Variants in MEI4 observed in about 807,000 individuals in gnomAD.
The protein encoded by MEI4 is meiosis-specific protein MEI4.
A neutral mutation model predicts 31.4 loss-of-function variants in MEI4; 27 were observed. The ratio of observed to expected loss-of-function variants is 0.86; its 90% confidence interval spans 0.63 to 1.19. The LOEUF (loss-of-function observed/expected upper bound fraction) is 1.19. MEI4 is among the 50% of genes most tolerant of loss of function. The pLI is 0.00. For synonymous variants in MEI4, 122 were observed against 145.4 expected, an observed-to-expected ratio of 0.84 and a Z score of 1.16; for missense variants, 329 against 398.9, an observed-to-expected ratio of 0.82 and a Z score of 1.49.
chr6:77,926,882 G>A lies in MEI4; in HGVS notation c.*3536G>A, dbSNP rs982619488. 1 of 151,610 alleles carries A rather than the reference G, an allele frequency of 6.6e-6. No individual in the cohort carries two copies. The highest frequency in any genetic ancestry group is 1.5e-5 in the Non-Finnish European group (1 of 67,850). 9.4% of individuals were successfully genotyped at this position (151,610 alleles called of 1,614,324 possible). A position where few individuals can be genotyped will look rare whatever the true frequency, so the allele number is the denominator to read the frequency against. On this transcript the variant is annotated 3_prime_UTR_variant, in exon 5 of 5. Transcript: ENST00000684080. Reference sequence around the variant, plus strand: ...TTATCTAATATTGAAAAAATATATAGGATTTTATTATTGTTAAAAGTTAAT... The same window carrying A: ...TTATCTAATATTGAAAAAATATATAAGATTTTATTATTGTTAAAAGTTAAT...
At chr6:77,650,955 A>C (rs1488763515), upstream of MEI4, among the ~76,000 whole-genome samples, 3 of 152,310 alleles carry the variant, frequency 2.0e-5, no homozygotes, top group South Asian at 4.1e-4. Flanking sequence ...CTTTTTATTA[A>C]GCACCCATTC....
chr6:77,736,509 C>G (rs899838667), intron 2 of MEI4, among the ~76,000 whole-genome samples: 2 of 152,032 alleles, frequency 1.3e-5, no homozygotes, highest in Non-Finnish European at 2.9e-5. Context: ...ACGGTGCGCG[C>G]ACACACTGAC....
intron 4 of MEI4, among the ~76,000 whole-genome samples, chr6:77,910,325 A>G (rs2127738549): frequency 6.6e-6 from 1 of 152,276 alleles, no homozygotes; most frequent in East Asian, 1.9e-4. Flanking sequence ...TCTCAGCCCA[A>G]AATCTTCTTA....
rs137911889 is a variant in MEI4, at chr6:77,749,430, T to C, written c.233-11700T>C. ...AGTTTAGAGAAGAACATAAATGACC[T>C]GATGGAGCTGAAAAACACAGCATGA... On this transcript the variant is annotated intron_variant, in intron 2 of 4. Coordinates refer to ENST00000684080, the MANE Select transcript of MEI4 (RefSeq NM_001322247.2). Among the ~76,000 whole-genome samples the C allele has an allele frequency of 1.4e-3, 213 of 152,204 alleles. 1 individual carries two copies. Among genetic ancestry groups the C allele is most frequent in the African/African-American group, 4.5e-3 (187 of 41,526 alleles).
intron 4 of MEI4, among the ~76,000 whole-genome samples, chr6:77,875,994 C>T (rs1320624547): frequency 6.6e-6 from 1 of 152,134 alleles, no homozygotes; most frequent in African/African-American, 2.4e-5. Flanking sequence ...ACATAACTGA[C>T]TTCTCCAAGG....
intron 3 of MEI4, among the ~76,000 whole-genome samples, chr6:77,807,478 A>G (rs9361291): frequency 0.14 from 20,927 of 152,092 alleles, 1,527 homozygotes; most frequent in Middle Eastern, 0.21. Context: ...AGTCTTAACA[A>G]TAGACATTTG....
At position 77,802,959 on chromosome 6, in the gene MEI4, C is replaced by G. The variant is rs181897643; in HGVS notation, c.769-25972C>G. On this transcript the variant is annotated intron_variant, in intron 3 of 4. Transcript: ENST00000684080. ...CTTACAATTATGTGTCTTGGAGTTG[C>G]TCTTCTCGAGGAGTATCTTTGTGGC... 5.5e-3 allele frequency among the ~76,000 whole-genome samples: 830 copies of G among 152,196 alleles called. 6 individuals carry two copies. The highest frequency in any genetic ancestry group is 0.019 in the African/African-American group (785 of 41,526).
chr6:77,743,835 C>T (rs189293777), intron 2 of MEI4, among the ~76,000 whole-genome samples: 59 of 152,308 alleles, frequency 3.9e-4, no homozygotes, highest in East Asian at 9.7e-4. Flanking sequence ...ATGCAGCCAC[C>T]GCTGCTGATA....
intron 2 of MEI4, among the ~76,000 whole-genome samples, chr6:77,743,266 T>A (rs1050644394): frequency 1.3e-5 from 2 of 152,178 alleles, no homozygotes; most frequent in Non-Finnish European, 2.9e-5. Flanking sequence ...TGGAATGTTC[T>A]TCCATTTGTT....
At chr6:77,884,691 C>G (rs1246098866) in intron 4 of MEI4, among the ~76,000 whole-genome samples, 2 of 152,068 alleles carry the variant, frequency 1.3e-5, no homozygotes, top group Non-Finnish European at 2.9e-5. Flanking sequence ...TCTAGATTCT[C>G]TATTCTTTTA....
intron 2 of MEI4, among the ~76,000 whole-genome samples, chr6:77,700,325 C>T (rs970414194): frequency 1.3e-5 from 2 of 152,166 alleles, no homozygotes; most frequent in African/African-American, 4.8e-5. Context: ...TCACTGCCAC[C>T]TTGTAGTTTG....
At chr6:77,853,772 G>T (rs6454008) in intron 4 of MEI4, among the ~76,000 whole-genome samples, 2,877 of 152,196 alleles carry the variant, frequency 0.019, 64 homozygotes, top group East Asian at 0.088. Context: ...TAGAAGAATA[G>T]GGAATGAGAT....
At chr6:77,910,706 G>A (rs1209692184) in intron 4 of MEI4, among the ~76,000 whole-genome samples, 2 of 151,994 alleles carry the variant, frequency 1.3e-5, no homozygotes, top group African/African-American at 4.8e-5. Flanking sequence ...ATTGGCTATT[G>A]TGAATAGGGT....
At chr6:77,700,206 G>A (rs113449399) in intron 2 of MEI4, among the ~76,000 whole-genome samples, 7 of 152,318 alleles carry the variant, frequency 4.6e-5, no homozygotes, top group Admixed American at 1.3e-4. Flanking sequence ...GAGCCTACCG[G>A]GGCAGGCAGG....
chr6:77,734,533 C>T (rs954295676), intron 2 of MEI4, among the ~76,000 whole-genome samples: 1 of 152,008 alleles, frequency 6.6e-6, no homozygotes, highest in African/African-American at 2.4e-5. Flanking sequence ...ATTTGTGTCT[C>T]TGCACGTGAG....
At chr6:77,907,771 T>C (rs944205502) in intron 4 of MEI4, among the ~76,000 whole-genome samples, 3 of 152,154 alleles carry the variant, frequency 2.0e-5, no homozygotes, top group African/African-American at 7.2e-5. Flanking sequence ...ACCAACAGTG[T>C]AAAAGTGCTC....
intron 4 of MEI4, among the ~76,000 whole-genome samples, chr6:77,831,504 A>G (rs1323392958): frequency 1.3e-4 from 20 of 149,306 alleles, no homozygotes; most frequent in Non-Finnish European, 3.0e-5. Flanking sequence ...AATAAAGATA[A>G]TTTTATATAT....
chr6:77,838,514 A>G (rs1770278243), intron 4 of MEI4, among the ~76,000 whole-genome samples: 1 of 152,194 alleles, frequency 6.6e-6, no homozygotes, highest in African/African-American at 2.4e-5. Context: ...CAAATCTAAA[A>G]TGTGACTTAC....
chr6:77,727,688 T>A (rs1389111044), intron 2 of MEI4, among the ~76,000 whole-genome samples: 1 of 152,244 alleles, frequency 6.6e-6, no homozygotes, highest in Non-Finnish European at 1.5e-5. Flanking sequence ...AAGTTTTTGA[T>A]AGCTTTTAAA....
Sources: allele counts gnomAD v4.1 joint callset (sites outside exome capture counted in the v4.1 genomes callset), GRCh38; gene constraint gnomAD v4.1.1; transcripts MANE v1.5; gene names NCBI Gene and HGNC (gene_info 2026-07-23, HGNC 2026-07-21).